Variants in NELFE observed in about 807,000 individuals in gnomAD.
The protein encoded by NELFE is negative elongation factor E.
A neutral mutation model predicts 55.5 loss-of-function variants in NELFE; 26 were observed. The ratio of observed to expected loss-of-function variants is 0.47; its 90% CI spans 0.34 to 0.65. NELFE has a LOEUF of 0.65. Among genes scored for constraint, NELFE ranks in the 30% least tolerant of loss-of-function variants. NELFE has a pLI of 0.01. For synonymous variants in NELFE, 162 were observed against 178.0 expected (o/e 0.91, Z 0.72); for missense variants, 403 against 506.9 (o/e 0.80, Z 1.97).
chr6:31,957,421 C>G (rs1397854060), intron 2 of NELFE: 2 of 478,480 alleles, frequency 4.2e-6, no homozygotes, highest in African/African-American at 3.9e-5. Context: ...TTCCTACCCT[C>G]AAGAAGCTTA....
intron 10 of NELFE, 115 bp from the exon 11 acceptor site, chr6:31,952,513 C>T (rs1030572908): frequency 2.2e-5 from 15 of 682,822 alleles, no homozygotes; most frequent in Admixed American, 3.3e-5. Flanking sequence ...CCAGTTTCCA[C>T]GCTGCCCTCT....
intron 1 of NELFE, 36 bp downstream of exon 1, chr6:31,958,855 GA>G: frequency 1.6e-6 from 1 of 618,546 alleles, no homozygotes; most frequent in Non-Finnish European, 2.9e-6. Flanking sequence ...ACGGCTATGA[GA>G]AAAAGGGCCG....
Position 31,958,951 on chromosome 6 carries a change from T to C in NELFE, c.-68A>G, listed in dbSNP as rs1399740978. 4 of 599,664 alleles carry C rather than the reference T, an allele frequency of 6.7e-6. No homozygotes were observed. In the African/African-American group the frequency reaches 7.4e-5, roughly 11 times the overall value. 37.1% of individuals were successfully genotyped at this position (599,664 alleles called of 1,614,324 possible). ...CGGCCGCGCCCGCGCTGGCCGCTGA[T>C]AGCGGGCTCACAACGATGACGTAGC... On this transcript the variant is annotated 5_prime_UTR_variant, in exon 1 of 11. Transcript: ENST00000375429.
chr6:31,952,373 G>A lies in NELFE; in HGVS notation c.1071C>T (p.Cys357=), dbSNP rs1363485350. 6.2e-7 allele frequency: 1 copy of A among 1,614,048 alleles called. No individual in the cohort carries two copies. Among genetic ancestry groups the A allele is most frequent in the Admixed American group, 1.7e-5 (1 of 60,010 alleles). The stretch of plus-strand genomic sequence containing the variant: ...CAATCTGGGTCCTCTTGTCCCGGTG[G>A]CAACCCTTAGGGCTGTTCTGGACAG... ...SLAVQNSPKG[C]HRDKRTQIVY... Residue 357 remains cysteine, a synonymous_variant, in exon 11 of 11, where the codon TGC becomes TGT. Coordinates refer to ENST00000375429, the MANE Select transcript of NELFE (RefSeq NM_002904.6).
At position 31,952,196 on chromosome 6, in the gene NELFE, G is replaced by A; in HGVS notation, c.*105C>T. 2.1e-6 allele frequency: 3 copies of A among 1,420,102 alleles called. No individual in the cohort carries two copies. Among genetic ancestry groups the A allele is most frequent in the Non-Finnish European group, 2.9e-6 (3 of 1,018,348 alleles). The allele number at this position is 1,420,102 out of a possible 1,614,324, so 88.0% of individuals were successfully genotyped here. On this transcript the variant is annotated 3_prime_UTR_variant, in exon 11 of 11. Transcript: ENST00000375429. ...TTTAAAGGTTTAACCCCAATCCCAA[G>A]TGCTGAAAAACCAGAGGCTGAGGGA...
intron 10 of NELFE, 146 bp from the exon 11 acceptor site, chr6:31,952,544 T>C (rs1158211905): frequency 8.5e-6 from 5 of 585,456 alleles, no homozygotes; most frequent in Non-Finnish European, 1.5e-5. Flanking sequence ...ATGGCCTGTC[T>C]TCCTTAGCTC....
rs1160706979 is a variant in NELFE, at chr6:31,954,920, G to C, written c.405-28C>G. On this transcript the variant is annotated intron_variant, in intron 6 of 10. Coordinates refer to ENST00000375429, the MANE Select transcript of NELFE (RefSeq NM_002904.6). The surrounding 1 kb of genome is among the most constrained non-coding windows in gnomAD (Gnocchi z 5.5). Reference sequence around the variant, plus strand: ...GGGGAGATGCAGACTGAAGATCAAAGGGGGGTTTTACCTTCTCCCCTCAGA... The same window carrying C: ...GGGGAGATGCAGACTGAAGATCAAACGGGGGTTTTACCTTCTCCCCTCAGA... The C allele has an allele frequency of 6.3e-7, 1 of 1,578,574 alleles. No homozygotes were observed. The highest frequency in any genetic ancestry group is 2.2e-5 in the East Asian group (1 of 44,566).
Position 31,954,078 on chromosome 6 carries a change from A to G in NELFE, c.942+2T>C. The G allele has an allele frequency of 6.2e-7, 1 of 1,613,508 alleles. No individual in the cohort carries two copies. The highest frequency in any genetic ancestry group is 8.5e-7 in the Non-Finnish European group (1 of 1,179,906). On this transcript the variant is annotated splice_donor_variant, in intron 9 of 10. Coordinates refer to ENST00000375429, the MANE Select transcript of NELFE (RefSeq NM_002904.6). LOFTEE classifies it high-confidence loss of function. The surrounding 1 kb of genome is among the most constrained non-coding windows in gnomAD (Gnocchi z 5.5). ...GGAAGAACAGATTTGGGAAGTTCCA[A>G]CCTCAGCAACGGCCTGATCTGCTGA...
In NELFE at chr6:31,954,754, G is replaced by A. The variant is rs749131495; in HGVS notation, c.543C>T (p.Ser181=). Residue 181 remains serine, a synonymous_variant, in exon 7 of 11, where the codon TCC becomes TCT. Transcript: ENST00000375429. The surrounding 1 kb of genome is among the most constrained non-coding windows in gnomAD (Gnocchi z 5.5). The part of the protein sequence containing the change: ...EERSGAHSSA[S]PPRSRSRDRS... ...GGTCCCGGCTGCGGCTTCGGGGAGG[G>A]GAGGCTGAGGAGTGGGCACCACTGC... 7.4e-6 allele frequency: 12 copies of A among 1,613,340 alleles called. No homozygotes were observed. Among genetic ancestry groups the A allele is most frequent in the Non-Finnish European group, 1.0e-5 (12 of 1,180,012 alleles).
intron 2 of NELFE, chr6:31,957,366 CAG>C (rs1418097272): frequency 5.7e-6 from 3 of 526,690 alleles, no homozygotes; most frequent in Non-Finnish European, 3.7e-6. Flanking sequence ...GAATGAGGCC[CAG>C]CCATGACTTC....
In NELFE at chr6:31,958,399, C is replaced by T. The variant is rs186368942; in HGVS notation, c.48G>A (p.Gln16=). The change falls in exon 2 of 11, where the codon CAG becomes CAA. Residue 16 remains glutamine, a synonymous_variant. Coordinates refer to ENST00000375429, the MANE Select transcript of NELFE (RefSeq NM_002904.6). ...PGLSEEEEAL[Q]KKFNKLKKKK... is the part of the protein sequence containing the mutation. ...TTTTCTTGAGCTTGTTGAATTTCTT[C>T]TGCAGAGCCTCCTCTTCCTCGCTCA... is the stretch of plus-strand genomic sequence containing the variant. The T allele has an allele frequency of 1.2e-6, 2 of 1,613,130 alleles. No individual in the cohort carries two copies. The highest frequency in any genetic ancestry group is 2.2e-5 in the East Asian group (1 of 44,894).
Position 31,958,379 on chromosome 6 carries a change from T to C in NELFE, c.68A>G (p.Lys23Arg), listed in dbSNP as rs1430095854. The C allele has an allele frequency of 1.2e-6, 2 of 1,612,964 alleles. No individual in the cohort carries two copies. The highest frequency in any genetic ancestry group is 1.3e-5 in the African/African-American group (1 of 74,938). ...CCACACACAGTCCCTCACCTTTTTC[T>C]TGAGCTTGTTGAATTTCTTCTGCAG... The part of the protein sequence containing the change: ...EALQKKFNKL[K>R]KKKKALLALK... Residue 23 changes from lysine (K) to arginine (R), a missense_variant, in exon 2 of 11, where the codon AAG becomes AGG. Transcript: ENST00000375429.
At position 31,956,797 on chromosome 6, in the gene NELFE, C is replaced by T; in HGVS notation, c.187G>A (p.Glu63Lys). The change falls in exon 4 of 11, where the codon GAG becomes AAG. Residue 63 changes from glutamate to lysine, a missense_variant. Transcript: ENST00000375429. ...QPVMDTATATEQAKQLVKSGA... is the reference protein window; with the variant it reads ...QPVMDTATATKQAKQLVKSGA... The stretch of plus-strand genomic sequence containing the variant: ...GACTTCACCAGCTGCTTTGCCTGCT[C>T]TGTTGCTGTGGCTGTGTCCATGACA... 3 of 1,613,054 alleles carry T rather than the reference C, an allele frequency of 1.9e-6. No homozygotes were observed. Among genetic ancestry groups the T allele is most frequent in the Non-Finnish European group, 2.5e-6 (3 of 1,180,022 alleles).
chr6:31,956,482 C>T (rs1772095508), intron 4 of NELFE, among the ~76,000 whole-genome samples: 2 of 152,132 alleles, frequency 1.3e-5, no homozygotes, highest in South Asian at 4.1e-4. Context: ...CAACATATTC[C>T]AAGAGCTCCA....
intron 10 of NELFE, 28 bp downstream of exon 10, chr6:31,953,701 G>A (rs987534335): frequency 6.4e-7 from 1 of 1,562,438 alleles, no homozygotes. Context: ...TGGGGGAGAG[G>A]ATGGGAAAGG....
At position 31,954,673 on chromosome 6, in the gene NELFE, C is replaced by CCGGTCT; in HGVS notation, c.618_623dup (p.Asp213_Arg214dup). 1 of 1,570,464 alleles carries CCGGTCT rather than the reference C, an allele frequency of 6.4e-7. No homozygotes were observed. Among genetic ancestry groups the CCGGTCT allele is most frequent in the Non-Finnish European group, 8.7e-7 (1 of 1,153,890 alleles). On this transcript the variant is annotated inframe_insertion, in exon 7 of 11. Coordinates refer to ENST00000375429, the MANE Select transcript of NELFE (RefSeq NM_002904.6). This position sits in a 1 kb window ranked among gnomAD's most constrained non-coding sequence, Gnocchi z 5.5. Reference sequence around the variant, plus strand: ...CCCGCTCTCTGTCTCTGTCTCGATCCCGGTCTCGATCCCGCTCCCGATCTC... The same window carrying CCGGTCT: ...CCCGCTCTCTGTCTCTGTCTCGATCCCGGTCTCGGTCTCGATCCCGCTCCCGATCTC...
At chr6:31,953,014 G>C (rs968851146) in intron 10 of NELFE, among the ~76,000 whole-genome samples, 1 of 152,154 alleles carries the variant, frequency 6.6e-6, no homozygotes, top group Non-Finnish European at 1.5e-5. Context: ...TTGAGCTACA[G>C]AGAATCTCTC....
At chr6:31,952,584 A>AT (rs1444814353) in intron 10 of NELFE, among the ~76,000 whole-genome samples, 186 bp from the exon 11 acceptor site, 7 of 152,346 alleles carry the variant, frequency 4.6e-5, no homozygotes, top group Admixed American at 4.6e-4. Flanking sequence ...CAAGAAAAGT[A>AT]TAAGTGGACA....
In NELFE at chr6:31,955,242, A is replaced by C. The variant is rs752611429; in HGVS notation, c.343T>G (p.Ser115Ala). ...PTFQPFQRSISADDDLQESSR... is the reference protein window; with the variant it reads ...PTFQPFQRSIAADDDLQESSR... ...ACCTCTTGCAGGTCATCATCAGCAG[A>C]TATGCTCCTCTGGAACGGCTGGAAA... is the stretch of plus-strand genomic sequence containing the variant. Residue 115 changes from serine to alanine, a missense_variant, in exon 5 of 11, where the codon TCT (serine) becomes GCT (alanine). Coordinates refer to ENST00000375429, the MANE Select transcript of NELFE (RefSeq NM_002904.6). The C allele has an allele frequency of 6.2e-7, 1 of 1,605,614 alleles. No individual in the cohort carries two copies. Among genetic ancestry groups the C allele is most frequent in the Non-Finnish European group, 8.5e-7 (1 of 1,176,340 alleles).
Sources: gnomAD v4.1 joint callset for allele counts (sites outside exome capture counted in the v4.1 genomes callset) on GRCh38, gnomAD v4.1.1 for gene constraint, Gnocchi (gnomAD v3.1) non-coding constraint, MANE v1.5 for transcripts, NCBI Gene and HGNC (gene_info 2026-07-23, HGNC 2026-07-21) for gene names.